The following CEACAM21 variants were observed in gnomAD, a reference collection of about 807,000 sequenced individuals.
CEACAM21 encodes the protein CEA cell adhesion molecule 21.
CEACAM21 carries 38 observed loss-of-function variants against 33.2 expected under a neutral mutation model. That is an observed-to-expected ratio of 1.14 (90% CI 0.88 to 1.50). The LOEUF is 1.50. Among genes scored for constraint, CEACAM21 ranks in the 40% most tolerant of loss-of-function variants. The pLI, the probability that CEACAM21 is intolerant of heterozygous loss-of-function variation, is 0.00. For missense variants in CEACAM21, 385 were observed against 364.6 expected (o/e 1.06, Z -0.46); for synonymous variants, 156 against 143.0 (o/e 1.09, Z -0.65).
chr19:41,576,339 G>T lies in CEACAM21; in HGVS notation c.64+1G>T, dbSNP rs781979577. ...CCCTGGCAGGGGCTCTTGCTCACAG[G>T]TGAGGGGAGGACTCCCTGGGAGTGG... On this transcript the variant is annotated splice_donor_variant, in intron 1 of 6. Coordinates refer to ENST00000401445, the MANE Select transcript of CEACAM21 (RefSeq NM_001098506.4). LOFTEE classifies it high-confidence loss of function. 47 of 1,609,496 alleles carry T rather than the reference G, an allele frequency of 2.9e-5. No individual in the cohort carries two copies. Among genetic ancestry groups the T allele is most frequent in the Non-Finnish European group, 3.7e-5 (44 of 1,177,566 alleles).
At chr19:41,570,385 G>A (rs1416724423) in intron 2 of CEACAM21, among the ~76,000 whole-genome samples, 1 of 152,150 alleles carries the variant, frequency 6.6e-6, no homozygotes, top group African/African-American at 2.4e-5. Context: ...TCCTCTCACT[G>A]CTGCCACCTC....
At chr19:41,557,258 G>A (rs2041589319) in intron 1 of CEACAM21, among the ~76,000 whole-genome samples, 1 of 152,154 alleles carries the variant, frequency 6.6e-6, no homozygotes, top group Non-Finnish European at 1.5e-5. Context: ...TGCATGTGGT[G>A]TCTCCAGTAA....
intron 1 of CEACAM21, among the ~76,000 whole-genome samples, 189 bp downstream of exon 1, chr19:41,576,527 G>T (rs782200830): frequency 5.3e-5 from 8 of 152,210 alleles, no homozygotes; most frequent in Admixed American, 2.6e-4. Flanking sequence ...AATCTCAGTT[G>T]GTCCATGTTT....
At chr19:41,573,067 G>A (rs2042714004), upstream of CEACAM21, among the ~76,000 whole-genome samples, 1 of 152,170 alleles carries the variant, frequency 6.6e-6, no homozygotes, top group African/African-American at 2.4e-5. Context: ...TGAGAGAGAA[G>A]GAGATGGAGG....
intron 1 of CEACAM21, among the ~76,000 whole-genome samples, chr19:41,563,622 G>C (rs2042045412): frequency 6.6e-6 from 1 of 152,250 alleles, no homozygotes; most frequent in Non-Finnish European, 1.5e-5. Flanking sequence ...AAAATTCCGC[G>C]TGAAAGGCGG....
At chr19:41,585,575 G>A in intron 5 of CEACAM21, 80 bp downstream of exon 5, 1 of 1,469,456 alleles carries the variant, frequency 6.8e-7, no homozygotes, top group Non-Finnish European at 9.5e-7. Flanking sequence ...GTTACACCCA[G>A]GGGCCTCTGA....
At chr19:41,571,110 C>T (rs1600217632) in intron 2 of CEACAM21, among the ~76,000 whole-genome samples, 1 of 152,262 alleles carries the variant, frequency 6.6e-6, no homozygotes, top group East Asian at 1.9e-4. Context: ...CTCCCTCCCC[C>T]AGCTCTGACA....
At chr19:41,566,932 A>G (rs1014814546) in intron 2 of CEACAM21, among the ~76,000 whole-genome samples, 20 of 152,228 alleles carry the variant, frequency 1.3e-4, no homozygotes, top group African/African-American at 4.8e-4. Flanking sequence ...GTTTTAAAAT[A>G]TATTGGTACA....
intron 3 of CEACAM21, among the ~76,000 whole-genome samples, chr19:41,580,325 C>T (rs922912693): frequency 6.6e-6 from 1 of 151,984 alleles, no homozygotes; most frequent in African/African-American, 2.4e-5. Context: ...GGGGGTTTCT[C>T]CCACACACCC....
chr19:41,583,436 T>C (rs2070462652), intron 3 of CEACAM21, among the ~76,000 whole-genome samples: 1 of 152,222 alleles, frequency 6.6e-6, no homozygotes, highest in African/African-American at 2.4e-5. Context: ...TTCCACATTT[T>C]CAGGTATCTT....
chr19:41,586,743 C>T lies in CEACAM21; in HGVS notation c.*280C>T. On this transcript the variant is annotated 3_prime_UTR_variant, in exon 7 of 7. Coordinates refer to ENST00000401445, the MANE Select transcript of CEACAM21 (RefSeq NM_001098506.4). ...CTGGGTGGGCCAAGGCGAAGGCTTC[C>T]CATCACCACAGGAAGTGGGGGCTTG... 1 of 366,936 alleles carries T rather than the reference C, an allele frequency of 2.7e-6. No individual in the cohort carries two copies. Among genetic ancestry groups the T allele is most frequent in the South Asian group, 2.3e-5 (1 of 44,348 alleles). 22.7% of individuals were successfully genotyped at this position (366,936 alleles called of 1,614,324 possible). A position where few individuals can be genotyped will look rare whatever the true frequency, so the allele number is the denominator to read the frequency against.
chr19:41,562,593 A>G (rs1167627682), intron 1 of CEACAM21, among the ~76,000 whole-genome samples: 4 of 152,262 alleles, frequency 2.6e-5, no homozygotes, highest in Non-Finnish European at 5.9e-5. Flanking sequence ...AAAATGTGGC[A>G]TATTAATGCA....
At chr19:41,575,815 C>T (rs571343618), upstream of CEACAM21, among the ~76,000 whole-genome samples, 60 of 152,344 alleles carry the variant, frequency 3.9e-4, no homozygotes, top group African/African-American at 1.4e-3. Context: ...ACCTCTGTCA[C>T]TTTCCTGCTG....
intron 4 of CEACAM21, 34 bp from the exon 5 acceptor site, chr19:41,585,409 T>C (rs2070655852): frequency 1.2e-6 from 2 of 1,612,556 alleles, no homozygotes; most frequent in African/African-American, 2.7e-5. Context: ...ACTTTTAACC[T>C]TGCACCTTCA....
chr19:41,569,994 A>G (rs2042501264), intron 2 of CEACAM21, among the ~76,000 whole-genome samples: 1 of 152,112 alleles, frequency 6.6e-6, no homozygotes, highest in African/African-American at 2.4e-5. Flanking sequence ...CCTGGAGGTG[A>G]TGAATGATCA....
At chr19:41,579,666 A>G (rs1555792880) in intron 3 of CEACAM21, 38 bp downstream of exon 3, 1 of 1,396,956 alleles carries the variant, frequency 7.2e-7, no homozygotes, top group Non-Finnish European at 9.7e-7. Context: ...CTTTCCTTGT[A>G]TATTTTCCTA....
At chr19:41,557,251 A>G (rs1384552164) in intron 1 of CEACAM21, among the ~76,000 whole-genome samples, 1 of 152,156 alleles carries the variant, frequency 6.6e-6, no homozygotes, top group Non-Finnish European at 1.5e-5. Flanking sequence ...GTTTGTGTGC[A>G]TGTGGTGTCT....
At chr19:41,586,283 C>A in intron 6 of CEACAM21, 181 bp from the exon 7 acceptor site, 1 of 525,140 alleles carries the variant, frequency 1.9e-6, no homozygotes, top group South Asian at 1.7e-5. Flanking sequence ...AGCTGAAGTT[C>A]AGGAAACTGC....
intron 1 of CEACAM21, chr19:41,564,632 G>A (rs1568588441): frequency 1.3e-5 from 2 of 152,188 alleles, no homozygotes; most frequent in Non-Finnish European, 1.5e-5. Flanking sequence ...CCCCTCCCCT[G>A]TCTCTTCACA....
Sources: gnomAD v4.1 joint callset for allele counts (sites outside exome capture counted in the v4.1 genomes callset) on GRCh38, gnomAD v4.1.1 for gene constraint, MANE v1.5 for transcripts, NCBI Gene and HGNC (gene_info 2026-07-23, HGNC 2026-07-21) for gene names.